The following MMS22L variants were observed in gnomAD, a reference collection of about 807,000 sequenced individuals.
MMS22L encodes MMS22 like, DNA repair protein.
Under a neutral mutation model 159.1 loss-of-function variants are expected in MMS22L, and 74 were observed. That is an observed-to-expected ratio of 0.47 (90% CI 0.39 to 0.56). MMS22L has a LOEUF of 0.56. MMS22L is among the 20% of genes least tolerant of loss of function. MMS22L has a pLI of 0.00. For missense variants in MMS22L, 1,351 were observed against 1,422.1 expected (o/e 0.95, Z 0.80); for synonymous variants, 517 against 506.9 (o/e 1.02, Z -0.27).
Position 97,269,893 on chromosome 6 carries a change from T to C in MMS22L, c.697+9A>G. ...AAAAAGAATATAAATCATAAATCCA[T>C]AAACTTACTCAATTTTTCACCCAGC... On this transcript the variant is annotated intron_variant, in intron 7 of 24. Coordinates refer to ENST00000683635, the MANE Select transcript of MMS22L (RefSeq NM_001350599.2). 1.3e-6 allele frequency: 2 copies of C among 1,593,598 alleles called. No homozygotes were observed. The highest frequency in any genetic ancestry group is 3.4e-5 in the Admixed American group (2 of 59,664).
In MMS22L at chr6:97,186,609, C is replaced by A; in HGVS notation, c.2121G>T (p.Glu707Asp). 6.2e-7 allele frequency: 1 copy of A among 1,611,850 alleles called. No individual in the cohort carries two copies. Among genetic ancestry groups the A allele is most frequent in the Non-Finnish European group, 8.5e-7 (1 of 1,179,092 alleles). Reference protein sequence around the residue: ...LFVQSSLSAKERHLAAVASAL... With the variant: ...LFVQSSLSAKDRHLAAVASAL... ...CACTGGCAACTGCAGCAAGGTGGCG[C>A]TCTTTAGCCGATAATGAAGACTGTA... Residue 707 changes from glutamate to aspartate, a missense_variant, in exon 15 of 25, where the codon GAG becomes GAT. Transcript: ENST00000683635.
chr6:97,163,017 T>C (rs1431189779), intron 21 of MMS22L, among the ~76,000 whole-genome samples: 1 of 151,988 alleles, frequency 6.6e-6, no homozygotes, highest in African/African-American at 2.4e-5. Context: ...ATTATAAACA[T>C]AAGGACAGGA....
chr6:97,209,660 T>C (rs1808161343), intron 14 of MMS22L, among the ~76,000 whole-genome samples: 1 of 152,060 alleles, frequency 6.6e-6, no homozygotes, highest in Non-Finnish European at 1.5e-5. Context: ...ATAGTTATTA[T>C]GTCTCTATCG....
rs199868076 is a variant in MMS22L at position 97,267,970 on chromosome 6, G to A, written c.730C>T (p.Leu244=). 6.2e-7 allele frequency: 1 copy of A among 1,602,600 alleles called. No individual in the cohort carries two copies. Among genetic ancestry groups the A allele is most frequent in the East Asian group, 2.3e-5 (1 of 44,208 alleles). The change falls in exon 8 of 25, where the codon CTG becomes TTG. Residue 244 remains leucine, a synonymous_variant. Coordinates refer to ENST00000683635, the MANE Select transcript of MMS22L (RefSeq NM_001350599.2). Reference sequence around the variant, plus strand: ...ATGTTGGTTAAATTGTCACTTGCCAGATTCATAAACTGATGACCATATACA... The same window carrying A: ...ATGTTGGTTAAATTGTCACTTGCCAAATTCATAAACTGATGACCATATACA... The part of the protein sequence containing the change: ...QVVYGHQFMN[L]ASDNLTNISL...
At chr6:97,173,992 C>T (rs1285076654) in intron 18 of MMS22L, among the ~76,000 whole-genome samples, 3 of 151,872 alleles carry the variant, frequency 2.0e-5, no homozygotes, top group Admixed American at 6.6e-5. Flanking sequence ...TGGCTCCTCA[C>T]GCCTGTAATC....
At chr6:97,210,644 T>C (rs1026178182) in intron 14 of MMS22L, among the ~76,000 whole-genome samples, 1 of 151,944 alleles carries the variant, frequency 6.6e-6, no homozygotes. Context: ...TTAGTCTATA[T>C]AGAAATCATG....
chr6:97,195,146 A>G (rs1448461478), intron 14 of MMS22L, among the ~76,000 whole-genome samples: 1 of 152,212 alleles, frequency 6.6e-6, no homozygotes, highest in African/African-American at 2.4e-5. Flanking sequence ...AAAGAACTAA[A>G]TAAGTAAGGG....
intron 9 of MMS22L, among the ~76,000 whole-genome samples, chr6:97,262,671 A>AG (rs1419369413): frequency 6.6e-6 from 1 of 151,664 alleles, no homozygotes; most frequent in Non-Finnish European, 1.5e-5. Flanking sequence ...AAAAAAAAAA[A>AG]AAAAAGATAG....
rs890909726 is a variant in MMS22L at position 97,264,572 on chromosome 6, A to T, written c.829-1124T>A. On this transcript the variant is annotated intron_variant, in intron 8 of 24. Transcript: ENST00000683635. ...GCCACAGCAATTATGCAAAAGAAAG[A>T]AAAGGCATCTAAACAGAAAGAAATG... The T allele has an allele frequency of 1.2e-4, 18 of 152,306 alleles. 1 individual carries two copies. In the South Asian group the frequency reaches 1.5e-3, roughly 12 times the overall value. 9.4% of individuals were successfully genotyped at this position (152,306 alleles called of 1,614,324 possible).
Position 97,186,614 on chromosome 6 carries a change from T to G in MMS22L, c.2116A>C (p.Lys706Gln). The G allele has an allele frequency of 6.2e-7, 1 of 1,611,942 alleles. No individual in the cohort carries two copies. Among genetic ancestry groups the G allele is most frequent in the Non-Finnish European group, 8.5e-7 (1 of 1,179,084 alleles). Residue 706 changes from lysine to glutamine, a missense_variant, in exon 15 of 25, where the codon AAA (lysine) becomes CAA (glutamine). Lys to Gln is a moderately conservative substitution (Grantham distance 53). Transcript: ENST00000683635. ...GCAACTGCAGCAAGGTGGCGCTCTT[T>G]AGCCGATAATGAAGACTGTACAAAT... ...DLFVQSSLSA[K>Q]ERHLAAVASA...
rs111626176 is a variant in MMS22L, at chr6:97,170,442, G to A, written c.2840-2202C>T. 7.5e-3 allele frequency among the ~76,000 whole-genome samples: 1,064 copies of A among 142,342 alleles called. 16 individuals are homozygous for A. The highest frequency in any genetic ancestry group is 0.027 in the African/African-American group (991 of 36,884). 93.4% of individuals were successfully genotyped at this position (142,342 alleles called of 152,430 possible). On this transcript the variant is annotated intron_variant, in intron 19 of 24. Transcript: ENST00000683635. The stretch of plus-strand genomic sequence containing the variant: ...ACTGGGAAAGGTTTAAATACATACA[G>A]TACCTTTGTAAAAACCTAAGTTTTT...
intron 22 of MMS22L, among the ~76,000 whole-genome samples, chr6:97,156,755 T>C (rs1801893677): frequency 6.6e-6 from 1 of 151,946 alleles, no homozygotes; most frequent in Admixed American, 6.6e-5. Flanking sequence ...CGTGACAAAG[T>C]AGCCTCCTGC....
intron 14 of MMS22L, among the ~76,000 whole-genome samples, chr6:97,213,076 C>G (rs1222841897): frequency 6.6e-6 from 1 of 152,050 alleles, no homozygotes; most frequent in Non-Finnish European, 1.5e-5. Context: ...TGTCTGTAGA[C>G]AGAGTAACAT....
At chr6:97,224,580 C>T (rs978308792) in intron 14 of MMS22L, among the ~76,000 whole-genome samples, 1 of 149,166 alleles carries the variant, frequency 6.7e-6, no homozygotes, top group Non-Finnish European at 1.5e-5. Context: ...AAAAAACTTA[C>T]AAAATAAAAA....
At chr6:97,277,094 C>T (rs1384470301) in intron 4 of MMS22L, among the ~76,000 whole-genome samples, 1 of 152,148 alleles carries the variant, frequency 6.6e-6, no homozygotes, top group Non-Finnish European at 1.5e-5. Context: ...ATGGTATCCC[C>T]TACTGAAAAT....
chr6:97,234,763 G>T (rs1338586351), intron 11 of MMS22L, among the ~76,000 whole-genome samples: 1 of 152,190 alleles, frequency 6.6e-6, no homozygotes, highest in Non-Finnish European at 1.5e-5. Flanking sequence ...AAAGTAATTG[G>T]TAAAGGATAA....
intron 22 of MMS22L, among the ~76,000 whole-genome samples, chr6:97,157,663 T>C (rs1200138920): frequency 1.3e-5 from 2 of 152,246 alleles, no homozygotes; most frequent in Admixed American, 1.3e-4. Context: ...ATCCCAGGGA[T>C]GAAGCCGACT....
In MMS22L at chr6:97,162,141, C is replaced by A. The variant is rs933539771; in HGVS notation, c.3246G>T (p.Gly1082=). ...ATGCTAAGCGAGGAGGAGGTGAGGA[C>A]CCCTTATACTCAAGGTAGGATTTCC... ...VIRKSYLEYK[G]SSPPPRLASI... The change falls in exon 22 of 25, where the codon GGG becomes GGT. Residue 1082 remains glycine, a synonymous_variant. Coordinates refer to ENST00000683635, the MANE Select transcript of MMS22L (RefSeq NM_001350599.2). 6.2e-7 allele frequency: 1 copy of A among 1,602,676 alleles called. No individual in the cohort carries two copies. The highest frequency in any genetic ancestry group is 1.1e-5 in the South Asian group (1 of 88,354).
intron 4 of MMS22L, among the ~76,000 whole-genome samples, chr6:97,276,321 T>C (rs1322399937): frequency 1.3e-5 from 2 of 152,152 alleles, no homozygotes; most frequent in East Asian, 3.9e-4. Context: ...AAAATGTCAG[T>C]GTAACAAACA....
Sources: allele counts gnomAD v4.1 joint callset (sites outside exome capture counted in the v4.1 genomes callset), GRCh38; gene constraint gnomAD v4.1.1; transcripts MANE v1.5; gene names NCBI Gene and HGNC (gene_info 2026-07-23, HGNC 2026-07-21).